Variants in GRIN3A observed in about 807,000 individuals in gnomAD.
GRIN3A encodes the protein glutamate ionotropic receptor NMDA type subunit 3A.
Under a neutral mutation model 92.4 loss-of-function variants are expected in GRIN3A, and 47 were observed. The observed-to-expected ratio is 0.51, with a 90% CI of 0.40 to 0.65. GRIN3A has a LOEUF of 0.65. Ranked by LOEUF, GRIN3A falls within the 30% of genes least tolerant of loss-of-function variation. The pLI, the probability that GRIN3A is intolerant of heterozygous loss-of-function variation, is 0.00. For synonymous variants in GRIN3A, 527 were observed against 540.6 expected (o/e 0.97, Z 0.35); for missense variants, 1,324 against 1,393.1 (o/e 0.95, Z 0.79).
chr9:101,627,901 T>C (rs1828654857), intron 4 of GRIN3A, among the ~76,000 whole-genome samples: 1 of 152,208 alleles, frequency 6.6e-6, no homozygotes, highest in African/African-American at 2.4e-5. Flanking sequence ...TGGGACACTT[T>C]ATCCTCTGGC....
chr9:101,730,013 G>T (rs1830120168), intron 1 of GRIN3A, among the ~76,000 whole-genome samples: 1 of 152,132 alleles, frequency 6.6e-6, no homozygotes, highest in Admixed American at 6.5e-5. Flanking sequence ...GCAATAGTTA[G>T]GAAAGACTTA....
At chr9:101,585,059 C>G (rs997375154) in intron 6 of GRIN3A, among the ~76,000 whole-genome samples, 1 of 152,160 alleles carries the variant, frequency 6.6e-6, no homozygotes, top group African/African-American at 2.4e-5. Context: ...TTCCTTTTCT[C>G]CCATTCTCCC....
chr9:101,621,316 A>G (rs559880434), intron 5 of GRIN3A, among the ~76,000 whole-genome samples: 1 of 151,918 alleles, frequency 6.6e-6, no homozygotes, highest in Admixed American at 6.6e-5. Flanking sequence ...TGAAATTCAT[A>G]TTTTTAAGAA....
intron 1 of GRIN3A, among the ~76,000 whole-genome samples, chr9:101,705,018 G>T (rs1007336522): frequency 2.7e-5 from 4 of 150,454 alleles, no homozygotes; most frequent in Non-Finnish European, 4.5e-5. Context: ...TGATAAGGAA[G>T]GGGGGGCAGG....
At chr9:101,665,475 G>A (rs1320402326) in intron 3 of GRIN3A, among the ~76,000 whole-genome samples, 1 of 151,930 alleles carries the variant, frequency 6.6e-6, no homozygotes. Context: ...ACTGAGGTGA[G>A]TTTTATGTAG....
intron 3 of GRIN3A, among the ~76,000 whole-genome samples, chr9:101,654,222 T>G (rs1336911702): frequency 6.6e-6 from 1 of 151,604 alleles, no homozygotes; most frequent in African/African-American, 2.4e-5. Context: ...AGAGGAGGCA[T>G]TTTATAGAAA....
chr9:101,654,095 A>AT (rs1252873099), intron 3 of GRIN3A, among the ~76,000 whole-genome samples: 2 of 151,154 alleles, frequency 1.3e-5, no homozygotes, highest in Non-Finnish European at 3.0e-5. Context: ...TTGCGTACCT[A>AT]TTTTTTCATT....
intron 5 of GRIN3A, among the ~76,000 whole-genome samples, chr9:101,614,710 C>A (rs984254015): frequency 1.4e-5 from 2 of 146,198 alleles, no homozygotes; most frequent in Non-Finnish European, 3.0e-5. Flanking sequence ...ACCTTGACCT[C>A]CTGGGCTCAA....
intron 1 of GRIN3A, among the ~76,000 whole-genome samples, chr9:101,688,536 G>A (rs1564144965): frequency 6.6e-6 from 1 of 152,154 alleles, no homozygotes; most frequent in Non-Finnish European, 1.5e-5. Flanking sequence ...ACAGGGATGG[G>A]GAATTAGAAG....
At chr9:101,700,279 C>A (rs964757747) in intron 1 of GRIN3A, among the ~76,000 whole-genome samples, 1 of 152,122 alleles carries the variant, frequency 6.6e-6, no homozygotes, top group Non-Finnish European at 1.5e-5. Context: ...GAAGGCTGAC[C>A]TTTGGCTGAA....
At chr9:101,596,841 C>T (rs73507214) in intron 6 of GRIN3A, among the ~76,000 whole-genome samples, 2,765 of 152,332 alleles carry the variant, frequency 0.018, 88 homozygotes, top group African/African-American at 0.063. Flanking sequence ...GAGGATCCCA[C>T]TGGGTTTAAG....
chr9:101,690,889 A>G (rs1283439956), intron 1 of GRIN3A, among the ~76,000 whole-genome samples: 4 of 152,184 alleles, frequency 2.6e-5, no homozygotes, highest in Admixed American at 1.3e-4. Flanking sequence ...AAAAATAACA[A>G]TTAAATTTCT....
In GRIN3A at chr9:101,698,754, C is replaced by T. The variant is rs548411243; in HGVS notation, c.700-11554G>A. ...GGGATCTTTGTCTCACTATAACCTC[C>T]GGCTCCTGGGTTCAAGCGATTCTTC... On this transcript the variant is annotated intron_variant, in intron 1 of 8. Coordinates refer to ENST00000361820, the MANE Select transcript of GRIN3A (RefSeq NM_133445.3). Among the ~76,000 whole-genome samples the T allele has an allele frequency of 2.2e-4, 34 of 152,180 alleles. No individual in the cohort carries two copies. In the East Asian group the frequency reaches 4.3e-3, roughly 19 times the overall value.
chr9:101,631,414 C>T (rs1394418422), intron 3 of GRIN3A, among the ~76,000 whole-genome samples: 1 of 152,154 alleles, frequency 6.6e-6, no homozygotes, highest in East Asian at 1.9e-4. Context: ...ACCTTTCTCT[C>T]ATATAGAAAC....
At chr9:101,677,590 A>C (rs924100607) in intron 2 of GRIN3A, among the ~76,000 whole-genome samples, 2 of 151,818 alleles carry the variant, frequency 1.3e-5, no homozygotes, top group Non-Finnish European at 2.9e-5. Context: ...TGTCTCTTTT[A>C]CCATTTTTCC....
chr9:101,670,918 C>G lies in GRIN3A; in HGVS notation c.1494G>C (p.Glu498Asp). 1 of 1,613,638 alleles carries G rather than the reference C, an allele frequency of 6.2e-7. No individual in the cohort carries two copies. The highest frequency in any genetic ancestry group is 8.5e-7 in the Non-Finnish European group (1 of 1,179,666). ...KIVMDYGIWP[E>D]QAQRHKTHFQ... is the part of the protein sequence containing the mutation. ...AGTGGGTTTTGTGTCTCTGGGCCTG[C>G]TCTGGCCATATTCCATAGTCCATGA... The change falls in exon 3 of 9, where the codon GAG (glutamate) becomes GAC (aspartate). Residue 498 changes from glutamate (E) to aspartate (D), a missense_variant. Physicochemically the swap from Glu to Asp is conservative, Grantham distance 45 (BLOSUM62 2). Coordinates refer to ENST00000361820, the MANE Select transcript of GRIN3A (RefSeq NM_133445.3).
At chr9:101,706,433 A>T (rs1027103436) in intron 1 of GRIN3A, among the ~76,000 whole-genome samples, 6 of 152,198 alleles carry the variant, frequency 3.9e-5, no homozygotes, top group African/African-American at 1.4e-4. Context: ...AGTAACCTTA[A>T]GATGTGAACA....
At chr9:101,699,728 AGCT>A (rs1829731307) in intron 1 of GRIN3A, among the ~76,000 whole-genome samples, 2 of 152,144 alleles carry the variant, frequency 1.3e-5, no homozygotes, top group Admixed American at 1.3e-4. Flanking sequence ...CATGTATTCT[AGCT>A]GTTGTGCTTA....
chr9:101,680,180 A>T (rs1829450592), intron 2 of GRIN3A, among the ~76,000 whole-genome samples: 1 of 152,226 alleles, frequency 6.6e-6, no homozygotes. Flanking sequence ...CATGGTCACA[A>T]TGCCACTAAG....
Sources: allele counts gnomAD v4.1 joint callset (sites outside exome capture counted in the v4.1 genomes callset), GRCh38; gene constraint gnomAD v4.1.1; transcripts MANE v1.5; gene names NCBI Gene and HGNC (gene_info 2026-07-23, HGNC 2026-07-21).